Variants in DOK6 observed in about 807,000 individuals in gnomAD.
The protein encoded by DOK6 is docking protein 6, also known as downstream of tyrosine kinase 6.
Under a neutral mutation model 44.0 loss-of-function variants are expected in DOK6, and 22 were observed. The ratio of observed to expected loss-of-function variants is 0.50; its 90% confidence interval spans 0.36 to 0.71. The LOEUF (loss-of-function observed/expected upper bound fraction) is 0.71. DOK6 is among the 30% of genes least tolerant of loss of function. DOK6 has a pLI of 0.00. For synonymous variants in DOK6, 166 were observed against 145.5 expected (o/e 1.14, Z -1.01); for missense variants, 340 against 416.4 (o/e 0.82, Z 1.60).
intron 7 of DOK6, among the ~76,000 whole-genome samples, chr18:69,836,540 A>G (rs1203954725): frequency 6.6e-6 from 1 of 152,178 alleles, no homozygotes; most frequent in Non-Finnish European, 1.5e-5. Context: ...GGTAGAAAAT[A>G]GTATTTTCTA....
chr18:69,729,511 T>TC (rs398120631), intron 5 of DOK6, among the ~76,000 whole-genome samples: 1 of 152,124 alleles, frequency 6.6e-6, no homozygotes, highest in African/African-American at 2.4e-5. Flanking sequence ...TATTTTTTTT[T>TC]CTTTTACAGT....
At chr18:69,690,620 G>T (rs1480836064) in intron 4 of DOK6, among the ~76,000 whole-genome samples, 1 of 152,098 alleles carries the variant, frequency 6.6e-6, no homozygotes, top group Non-Finnish European at 1.5e-5. Flanking sequence ...GCTCTATTTA[G>T]TTCCTTTAGC....
intron 7 of DOK6, among the ~76,000 whole-genome samples, chr18:69,824,812 T>C (rs1422230053): frequency 6.6e-6 from 1 of 152,250 alleles, no homozygotes; most frequent in Non-Finnish European, 1.5e-5. Flanking sequence ...AAAGCCACTT[T>C]AAATTGCGGC....
At chr18:69,606,424 T>C (rs909202517) in intron 3 of DOK6, among the ~76,000 whole-genome samples, 2 of 152,082 alleles carry the variant, frequency 1.3e-5, no homozygotes, top group Admixed American at 1.3e-4. Context: ...TGGCCACTTA[T>C]GAAAAGCCCA....
intron 3 of DOK6, among the ~76,000 whole-genome samples, chr18:69,666,387 G>C (rs543251447): frequency 4.6e-5 from 7 of 152,140 alleles, no homozygotes; most frequent in African/African-American, 1.7e-4. Context: ...CCAAGACAGT[G>C]ACACATAGCA....
intron 5 of DOK6, among the ~76,000 whole-genome samples, chr18:69,721,769 TAG>T (rs1215648912): frequency 6.6e-6 from 1 of 152,210 alleles, no homozygotes; most frequent in African/African-American, 2.4e-5. Context: ...ATAAAAATTA[TAG>T]AAACTTACTG....
chr18:69,530,761 CTGT>C (rs1012916646), intron 1 of DOK6, among the ~76,000 whole-genome samples: 48 of 152,188 alleles, frequency 3.2e-4, no homozygotes, highest in African/African-American at 9.9e-4. Flanking sequence ...GTGGAGAGTT[CTGT>C]AGATGTCTAT....
At chr18:69,541,778 C>A (rs1361413281) in intron 1 of DOK6, among the ~76,000 whole-genome samples, 2 of 151,406 alleles carry the variant, frequency 1.3e-5, no homozygotes, top group Non-Finnish European at 3.0e-5. Flanking sequence ...AGAATGGAAC[C>A]TGTAGGCATT....
At chr18:69,434,722 G>T (rs917828103) in intron 1 of DOK6, among the ~76,000 whole-genome samples, 3 of 144,720 alleles carry the variant, frequency 2.1e-5, no homozygotes, top group Non-Finnish European at 4.5e-5. Flanking sequence ...AGAGCATCGA[G>T]ACCATTCTGG....
chr18:69,734,525 T>C (rs1989060179), intron 5 of DOK6, among the ~76,000 whole-genome samples: 1 of 152,134 alleles, frequency 6.6e-6, no homozygotes, highest in South Asian at 2.1e-4. Context: ...AGAATTTCAT[T>C]ATGTTCTATA....
chr18:69,811,332 G>A (rs773197663), intron 7 of DOK6, among the ~76,000 whole-genome samples: 28 of 151,782 alleles, frequency 1.8e-4, no homozygotes, highest in African/African-American at 6.8e-4. Context: ...GGAGAGGTTG[G>A]TCAAAAGACA....
chr18:69,495,969 G>T (rs142204961), intron 1 of DOK6, among the ~76,000 whole-genome samples: 300 of 152,330 alleles, frequency 2.0e-3, no homozygotes, highest in African/African-American at 6.7e-3. Flanking sequence ...AATGGAGAGA[G>T]GGAAGGCAGC....
intron 2 of DOK6, among the ~76,000 whole-genome samples, chr18:69,593,999 T>C (rs1265050050): frequency 2.0e-5 from 3 of 152,186 alleles, no homozygotes; most frequent in Non-Finnish European, 4.4e-5. Flanking sequence ...TTTATTTTGT[T>C]GTAATAAAAT....
chr18:69,400,977 C>G lies in DOK6; in HGVS notation c.-268C>G, dbSNP rs1916081460. 1 of 148,574 alleles carries G rather than the reference C, an allele frequency of 6.7e-6. No homozygotes were observed. The highest frequency in any genetic ancestry group is 2.4e-5 in the African/African-American group (1 of 40,884). The allele number at this position is 148,574 out of a possible 1,614,324, so 9.2% of individuals were successfully genotyped here. On this transcript the variant is annotated 5_prime_UTR_variant, in exon 1 of 8. Transcript: ENST00000382713. Reference sequence around the variant, plus strand: ...CCGCAGCTGGCGGAGGCGCGGGCCGCGGCGCTGGGCTCGCGGCGGGGAGCG... The same window carrying G: ...CCGCAGCTGGCGGAGGCGCGGGCCGGGGCGCTGGGCTCGCGGCGGGGAGCG...
intron 7 of DOK6, among the ~76,000 whole-genome samples, chr18:69,809,890 T>C (rs1981170375): frequency 6.6e-6 from 1 of 151,934 alleles, no homozygotes; most frequent in Non-Finnish European, 1.5e-5. Flanking sequence ...ATTAATATTA[T>C]TAAAGTGTCA....
At chr18:69,800,413 A>C (rs1599332346) in intron 7 of DOK6, among the ~76,000 whole-genome samples, 1 of 152,120 alleles carries the variant, frequency 6.6e-6, no homozygotes, top group South Asian at 2.1e-4. Context: ...GAAATTACCC[A>C]TTATGCCTCT....
chr18:69,526,882 C>T (rs546485067), intron 1 of DOK6, among the ~76,000 whole-genome samples: 1 of 152,216 alleles, frequency 6.6e-6, no homozygotes, highest in South Asian at 2.1e-4. Context: ...TACATGGAAC[C>T]ATCTGTATCT....
intron 5 of DOK6, among the ~76,000 whole-genome samples, chr18:69,734,321 GCTGT>G (rs1224984555): frequency 1.5e-5 from 2 of 133,590 alleles, no homozygotes; most frequent in Middle Eastern, 0.011. Flanking sequence ...TTTTTTACAA[GCTGT>G]CTGTCCATTT....
chr18:69,641,867 C>G (rs1378573136), intron 3 of DOK6, among the ~76,000 whole-genome samples: 2 of 152,202 alleles, frequency 1.3e-5, no homozygotes, highest in Non-Finnish European at 2.9e-5. Context: ...GAATAATTAT[C>G]TGAGATGTGA....
Sources: gnomAD v4.1 joint callset for allele counts (sites outside exome capture counted in the v4.1 genomes callset) on GRCh38, gnomAD v4.1.1 for gene constraint, MANE v1.5 for transcripts, NCBI Gene and HGNC (gene_info 2026-07-23, HGNC 2026-07-21) for gene names.